The following ACKR2 variants were observed in gnomAD, a reference collection of about 807,000 sequenced individuals.
The protein encoded by ACKR2 is C-C chemokine receptor D6.
For missense variants in ACKR2, 457 were observed against 477.3 expected (o/e 0.96, Z 0.40); for synonymous variants, 207 against 192.2 (o/e 1.08, Z -0.64).
At chr3:42,849,687 A>G (rs1293884863) in intron 2 of ACKR2, among the ~76,000 whole-genome samples, 1 of 152,220 alleles carries the variant, frequency 6.6e-6, no homozygotes, top group African/African-American at 2.4e-5. Context: ...TGGATTGGTT[A>G]CAGCTTGGCG....
intron 2 of ACKR2, among the ~76,000 whole-genome samples, chr3:42,850,354 C>G (rs1701140692): frequency 6.6e-6 from 1 of 152,158 alleles, no homozygotes; most frequent in African/African-American, 2.4e-5. Context: ...GAGGGACTAT[C>G]TGTACCCCCA....
chr3:42,865,101 G>A lies in ACKR2; in HGVS notation c.599G>A (p.Gly200Asp). 6.2e-7 allele frequency: 1 copy of A among 1,614,030 alleles called. No homozygotes were observed. The highest frequency in any genetic ancestry group is 8.5e-7 in the Non-Finnish European group (1 of 1,180,000). Residue 200 changes from glycine (G) to aspartate (D), a missense_variant, in exon 3 of 3, where the codon GGC (glycine) becomes GAC (aspartate). Physicochemically the swap from Gly to Asp is moderately conservative, Grantham distance 94. Coordinates refer to ENST00000422265, the MANE Select transcript of ACKR2 (RefSeq NM_001296.5). ...KGVWNCHADFGGHGTIWKLFL... is the reference protein window; with the variant it reads ...KGVWNCHADFDGHGTIWKLFL... ...GTGTGGAACTGCCACGCAGATTTCG[G>A]CGGGCATGGGACCATTTGGAAGCTC... is the stretch of plus-strand genomic sequence containing the variant.
chr3:42,849,050 C>G (rs765618906), intron 2 of ACKR2, among the ~76,000 whole-genome samples: 1 of 152,170 alleles, frequency 6.6e-6, no homozygotes, highest in African/African-American at 2.4e-5. Context: ...AAGAACCAAG[C>G]GCATTCTGGT....
At chr3:42,818,611 G>C (rs901687240) in intron 1 of ACKR2, among the ~76,000 whole-genome samples, 2 of 152,210 alleles carry the variant, frequency 1.3e-5, no homozygotes, top group African/African-American at 4.8e-5. Flanking sequence ...ACCCAGGCTA[G>C]AGTGCAGTGG....
intron 2 of ACKR2, among the ~76,000 whole-genome samples, chr3:42,846,188 GC>G (rs147084461): frequency 0.051 from 7,781 of 152,168 alleles, 230 homozygotes; most frequent in South Asian, 0.12. Flanking sequence ...TTATTGTTCG[GC>G]CCCTAGTGCC....
chr3:42,856,526 T>C (rs897917664), intron 2 of ACKR2: 2 of 637,552 alleles, frequency 3.1e-6, no homozygotes, highest in Non-Finnish European at 5.6e-6. Context: ...ATGTTTGCAA[T>C]ACATATGAAA....
chr3:42,834,238 G>A (rs767466198), intron 2 of ACKR2, among the ~76,000 whole-genome samples: 23 of 152,316 alleles, frequency 1.5e-4, no homozygotes, highest in Middle Eastern at 6.8e-3. Flanking sequence ...GATTACAGGC[G>A]TGAGCCACTG....
At position 42,839,098 on chromosome 3, in the gene ACKR2, C is replaced by G. The variant is rs1218917965; in HGVS notation, c.-38+19387C>G. On this transcript the variant is annotated intron_variant, in intron 2 of 2. Coordinates refer to ENST00000422265, the MANE Select transcript of ACKR2 (RefSeq NM_001296.5). ...CACACCTGGACATGCCTACAGGTAG[C>G]TCATGGTGCTCCCTTCCTTGGTGCA... 4 of 152,284 alleles carry G rather than the reference C, an allele frequency of 2.6e-5. No individual in the cohort carries two copies. In the East Asian group the frequency reaches 7.7e-4, roughly 29 times the overall value. The allele number at this position is 152,284 out of a possible 1,614,324, so 9.4% of individuals were successfully genotyped here.
chr3:42,825,577 A>ATGTGTGTGTG (rs113371609), intron 2 of ACKR2, among the ~76,000 whole-genome samples: 10 of 148,818 alleles, frequency 6.7e-5, no homozygotes, highest in Middle Eastern at 3.4e-3. Context: ...GTTAGCTCTG[A>ATGTGTGTGTG]TGTGTGTGTG....
chr3:42,820,769 A>G (rs1210778156), intron 2 of ACKR2, among the ~76,000 whole-genome samples: 1 of 149,186 alleles, frequency 6.7e-6, no homozygotes, highest in Admixed American at 6.7e-5. Context: ...CCTGTTGCCT[A>G]GTACAATATA....
chr3:42,822,763 A>T (rs1402091174), intron 2 of ACKR2, among the ~76,000 whole-genome samples: 3 of 140,128 alleles, frequency 2.1e-5, no homozygotes, highest in Non-Finnish European at 4.6e-5. Context: ...AGGTGGAGGC[A>T]GGATTGCATC....
rs1026585413 is a variant in ACKR2, at chr3:42,865,351, C to T, written c.849C>T (p.Asn283=). The change falls in exon 3 of 3, where the codon AAC becomes AAT. Residue 283 remains asparagine (N), a synonymous_variant. Transcript: ENST00000422265. Reference sequence around the variant, plus strand: ...TGTTGGACCTGCAAGTATTCGGGAACTGTGAGGTCAGCCAGCATCTAGACT... The same window carrying T: ...TGTTGGACCTGCAAGTATTCGGGAATTGTGAGGTCAGCCAGCATCTAGACT... ...HTLLDLQVFG[N]CEVSQHLDYA... 1.2e-6 allele frequency: 2 copies of T among 1,614,234 alleles called. No individual in the cohort carries two copies. The highest frequency in any genetic ancestry group is 8.5e-7 in the Non-Finnish European group (1 of 1,180,050).
chr3:42,834,395 G>A (rs1305822025), intron 2 of ACKR2, among the ~76,000 whole-genome samples: 2 of 151,968 alleles, frequency 1.3e-5, no homozygotes, highest in Non-Finnish European at 2.9e-5. Flanking sequence ...CGGTAGGGAA[G>A]ACAGGGTCTC....
intron 2 of ACKR2, among the ~76,000 whole-genome samples, chr3:42,838,143 C>T (rs906039165): frequency 6.6e-6 from 1 of 152,076 alleles, no homozygotes; most frequent in Non-Finnish European, 1.5e-5. Context: ...GCAAAGATTT[C>T]TTAGTTAAGA....
At chr3:42,830,991 T>A (rs914631342) in intron 2 of ACKR2, among the ~76,000 whole-genome samples, 5 of 151,422 alleles carry the variant, frequency 3.3e-5, no homozygotes, top group Non-Finnish European at 7.4e-5. Flanking sequence ...TTTCTGAGAG[T>A]GATCCTGGGA....
intron 2 of ACKR2, among the ~76,000 whole-genome samples, chr3:42,846,130 A>G (rs1456843965): frequency 6.6e-6 from 1 of 150,742 alleles, no homozygotes; most frequent in Non-Finnish European, 1.5e-5. Flanking sequence ...CATGTAATGC[A>G]CTTGAAACAG....
intron 1 of ACKR2, among the ~76,000 whole-genome samples, chr3:42,814,417 CCT>C (rs1700729152): frequency 6.6e-6 from 1 of 152,162 alleles, no homozygotes. Context: ...CTTCAGAGAG[CCT>C]CTGTGACTTT....
At chr3:42,840,582 T>G (rs1701027013) in intron 2 of ACKR2, among the ~76,000 whole-genome samples, 1 of 152,244 alleles carries the variant, frequency 6.6e-6, no homozygotes. Flanking sequence ...CTGGGTAACT[T>G]GACTTGTAAG....
chr3:42,840,153 G>C (rs1349427565), intron 2 of ACKR2, among the ~76,000 whole-genome samples: 1 of 151,500 alleles, frequency 6.6e-6, no homozygotes, highest in Non-Finnish European at 1.5e-5. Context: ...CCAGCTACTC[G>C]GGAGACTGAG....
Sources: gnomAD v4.1 joint callset for allele counts (sites outside exome capture counted in the v4.1 genomes callset) on GRCh38, gnomAD v4.1.1 for gene constraint, MANE v1.5 for transcripts, NCBI Gene and HGNC (gene_info 2026-07-23, HGNC 2026-07-21) for gene names.